The following PWWP3A variants were observed in gnomAD, a reference collection of about 807,000 sequenced individuals.
The protein encoded by PWWP3A is PWWP domain containing 3A, DNA repair factor.
PWWP3A carries 53 observed loss-of-function variants against 79.0 expected under a neutral mutation model. The ratio of observed to expected loss-of-function variants is 0.67; its 90% CI spans 0.54 to 0.84. PWWP3A has a LOEUF of 0.84. Ranked by LOEUF, PWWP3A falls within the 40% of genes least tolerant of loss-of-function variation. The pLI, the probability that PWWP3A is intolerant of heterozygous loss-of-function variation, is 0.00. For synonymous variants in PWWP3A, 443 were observed against 394.4 expected, an observed-to-expected ratio of 1.12 and a Z score of -1.46; for missense variants, 973 against 948.0, an observed-to-expected ratio of 1.03 and a Z score of -0.35.
chr19:1,375,244 C>T (rs1037956271), intron 13 of PWWP3A, among the ~76,000 whole-genome samples: 7 of 149,722 alleles, frequency 4.7e-5, no homozygotes, highest in African/African-American at 7.4e-5. Flanking sequence ...AAATATTACA[C>T]ATCCTGTAAA....
chr19:1,371,861 G>A (rs1185584122), intron 12 of PWWP3A, among the ~76,000 whole-genome samples: 2 of 144,844 alleles, frequency 1.4e-5, no homozygotes, highest in Non-Finnish European at 3.0e-5. Flanking sequence ...AGGTTGGAGT[G>A]CAGTGGCGCA....
rs368181378 is a variant in PWWP3A at position 1,364,519 on chromosome 19, G to A, written c.1224G>A (p.Ser408=). The A allele has an allele frequency of 9.1e-5, 146 of 1,599,758 alleles. No homozygotes were observed. Among genetic ancestry groups the A allele is most frequent in the Non-Finnish European group, 1.2e-4 (136 of 1,175,936 alleles). ...PRVLLYHEPR[S]FEVGMLVWHK... ...TTTCTTTAATTCTAGAACCACGTTC[G>A]TTTGAAGTAGGAATGCTAGTCTGGC... The change falls in exon 7 of 14, where the codon TCG becomes TCA. Residue 408 remains serine (S), a synonymous_variant. Coordinates refer to ENST00000591337, the MANE Select transcript of PWWP3A (RefSeq NM_001369789.1).
rs1032230978 is a variant in PWWP3A at position 1,376,007 on chromosome 19, C to T, written c.2076-512C>T. ...GTTATTTTTAGTAGAGACAGCATTT[C>T]ACCATCTTGGCCAGGCTGGTCTTGA... On this transcript the variant is annotated intron_variant, in intron 13 of 13. Coordinates refer to ENST00000591337, the MANE Select transcript of PWWP3A (RefSeq NM_001369789.1). Among the ~76,000 whole-genome samples the T allele has an allele frequency of 4.0e-4, 61 of 151,274 alleles. 1 individual carries two copies. Among genetic ancestry groups the T allele is most frequent in the Non-Finnish European group, 3.4e-4 (23 of 67,920 alleles).
intron 3 of PWWP3A, 189 bp from the exon 4 acceptor site, chr19:1,358,204 AC>A (rs1229612551): frequency 2.2e-5 from 11 of 489,960 alleles, no homozygotes; most frequent in East Asian, 6.5e-5. Context: ...AAAAAAAAAA[AC>A]CATTCACCAG....
At chr19:1,365,564 G>A (rs760438509) in intron 7 of PWWP3A, among the ~76,000 whole-genome samples, 1 of 152,284 alleles carries the variant, frequency 6.6e-6, no homozygotes, top group Non-Finnish European at 1.5e-5. Flanking sequence ...GTTCGCTGGG[G>A]AGGTTCAACA....
At chr19:1,356,495 G>A in intron 2 of PWWP3A, 46 bp downstream of exon 2, 2 of 1,583,364 alleles carry the variant, frequency 1.3e-6, no homozygotes, top group Admixed American at 1.7e-5. Context: ...AATGACTTTC[G>A]GGTGACAAGT....
At position 1,366,040 on chromosome 19, in the gene PWWP3A, C is replaced by G. The variant is rs942504646; in HGVS notation, c.1285-265C>G. 2.0e-5 allele frequency among the ~76,000 whole-genome samples: 3 copies of G among 152,336 alleles called. No individual in the cohort carries two copies. In the East Asian group the frequency reaches 5.8e-4, roughly 29 times the overall value. ...ATCTCAGGACGCTTATTTAAAGAGG[C>G]AGCTGGCAGCGGTAGCTGTGGTTCT... On this transcript the variant is annotated intron_variant, in intron 7 of 13. Transcript: ENST00000591337.
Position 1,357,109 on chromosome 19 carries a change from T to A in PWWP3A, c.143+15T>A. The A allele has an allele frequency of 6.3e-7, 1 of 1,583,394 alleles. No homozygotes were observed. The highest frequency in any genetic ancestry group is 8.6e-7 in the Non-Finnish European group (1 of 1,156,990). ...CTAGAGGAAAAGTTAAGTGTTGTGTTGTTTTAATACTGTTTTTTCCCGTGT... is the reference window on the plus strand; with the variant it reads ...CTAGAGGAAAAGTTAAGTGTTGTGTAGTTTTAATACTGTTTTTTCCCGTGT... On this transcript the variant is annotated intron_variant, in intron 3 of 13. Coordinates refer to ENST00000591337, the MANE Select transcript of PWWP3A (RefSeq NM_001369789.1).
chr19:1,367,275 A>C lies in PWWP3A; in HGVS notation c.1422+55A>C, dbSNP rs2082149341. 2.1e-6 allele frequency: 3 copies of C among 1,429,392 alleles called. No individual in the cohort carries two copies. In the South Asian group the frequency reaches 3.5e-5, roughly 17 times the overall value. 88.5% of individuals were successfully genotyped at this position (1,429,392 alleles called of 1,614,324 possible). ...AAATGGTTTACTTTGTGATTAGTAA[A>C]TATGTCCTCTGTGTGTAGCTCTTGA... is the stretch of plus-strand genomic sequence containing the variant. On this transcript the variant is annotated intron_variant, in intron 9 of 13. Transcript: ENST00000591337.
intron 1 of PWWP3A, among the ~76,000 whole-genome samples, chr19:1,355,708 C>G (rs564234058): frequency 6.6e-6 from 1 of 151,748 alleles, no homozygotes; most frequent in Non-Finnish European, 1.5e-5. Context: ...CCCTCTCTTG[C>G]TGGAAACGCC....
At chr19:1,366,638 T>G (rs1380571774) in intron 8 of PWWP3A, among the ~76,000 whole-genome samples, 2 of 152,224 alleles carry the variant, frequency 1.3e-5, no homozygotes, top group African/African-American at 4.8e-5. Context: ...ATTTGCTGGC[T>G]TTGAAAGGCA....
rs1266884275 is a variant in PWWP3A, at chr19:1,369,837, C to A, written c.1549+191C>A. Among the ~76,000 whole-genome samples, 1 of 152,198 alleles carries A rather than the reference C, an allele frequency of 6.6e-6. No individual in the cohort carries two copies. Among genetic ancestry groups the A allele is most frequent in the Admixed American group, 6.5e-5 (1 of 15,290 alleles). ...CCCTGGGACCTGGGGCTGCTGGTGT[C>A]CACTGGCACAGCATCCCGAGCCTGC... On this transcript the variant is annotated intron_variant, in intron 11 of 13. Coordinates refer to ENST00000591337, the MANE Select transcript of PWWP3A (RefSeq NM_001369789.1). The surrounding 1 kb of genome is among the most constrained non-coding windows in gnomAD (Gnocchi z 4.0).
rs928282703 is a variant in PWWP3A at position 1,368,305 on chromosome 19, G to A, written c.1423-960G>A. ...AGTTCCGTGCCTTAAACGCAGAAGG[G>A]CTGCCGTTTATATCAAAAACCCTGG... On this transcript the variant is annotated intron_variant, in intron 9 of 13. Transcript: ENST00000591337. The surrounding 1 kb of genome is among the most constrained non-coding windows in gnomAD (Gnocchi z 4.7). 1.3e-5 allele frequency among the ~76,000 whole-genome samples: 2 copies of A among 152,130 alleles called. No individual in the cohort carries two copies. Among genetic ancestry groups the A allele is most frequent in the Non-Finnish European group, 2.9e-5 (2 of 68,024 alleles).
chr19:1,373,241 C>A, intron 13 of PWWP3A, 81 bp downstream of exon 13: 2 of 1,271,970 alleles, frequency 1.6e-6, no homozygotes, highest in Non-Finnish European at 2.2e-6. Flanking sequence ...GGCAGTTTGA[C>A]TCCAGGCTGC....
At chr19:1,364,754 AAT>A (rs2082093113) in intron 7 of PWWP3A, among the ~76,000 whole-genome samples, 175 bp downstream of exon 7, 1 of 152,170 alleles carries the variant, frequency 6.6e-6, no homozygotes, top group African/African-American at 2.4e-5. Flanking sequence ...CCTGTACCTA[AAT>A]TAAGGCACAA....
chr19:1,370,979 G>A lies in PWWP3A; in HGVS notation c.1887G>A (p.Val629=), dbSNP rs1465213567. ...LEDEGQLDLV[V]KYLQGVYQEV... Reference sequence around the variant, plus strand: ...ATGAGGGGCAGCTGGACCTGGTGGTGAAGTACCTGCAGGGCGTCTACCAGG... The same window carrying A: ...ATGAGGGGCAGCTGGACCTGGTGGTAAAGTACCTGCAGGGCGTCTACCAGG... Residue 629 remains valine (V), a synonymous_variant, in exon 12 of 14, where the codon GTG becomes GTA. Coordinates refer to ENST00000591337, the MANE Select transcript of PWWP3A (RefSeq NM_001369789.1). 2 of 1,564,800 alleles carry A rather than the reference G, an allele frequency of 1.3e-6. No homozygotes were observed. The highest frequency in any genetic ancestry group is 1.7e-6 in the Non-Finnish European group (2 of 1,154,226).
At chr19:1,376,124 T>G (rs75401804) in intron 13 of PWWP3A, among the ~76,000 whole-genome samples, 1 of 135,648 alleles carries the variant, frequency 7.4e-6, no homozygotes, top group Non-Finnish European at 1.6e-5. Flanking sequence ...GTCATACTCT[T>G]TTTTTTTTTT....
chr19:1,358,183 TA>T, intron 3 of PWWP3A: 3 of 502,766 alleles, frequency 6.0e-6, no homozygotes, highest in Non-Finnish European at 1.0e-5. Context: ...TTTTCTGTCT[TA>T]AAAGGAAAAA....
rs2082418026 is a variant in PWWP3A, at chr19:1,377,083, G to T, written c.*507G>T. ...TTTGCTCTCCCACTCAGTGTGCTCT[G>T]CAGCTGTGAGGAAACAGCCTTCGTT... On this transcript the variant is annotated 3_prime_UTR_variant, in exon 14 of 14. Transcript: ENST00000591337. 6.5e-6 allele frequency: 1 copy of T among 153,044 alleles called. No individual in the cohort carries two copies. Among genetic ancestry groups the T allele is most frequent in the Admixed American group, 6.5e-5 (1 of 15,326 alleles). 9.5% of individuals were successfully genotyped at this position (153,044 alleles called of 1,614,324 possible).
Sources: allele counts gnomAD v4.1 joint callset (sites outside exome capture counted in the v4.1 genomes callset), GRCh38; gene constraint gnomAD v4.1.1; non-coding constraint Gnocchi (gnomAD v3.1); transcripts MANE v1.5; gene names NCBI Gene and HGNC (gene_info 2026-07-23, HGNC 2026-07-21).